CELF2: variants seen among roughly 807,000 people sequenced by gnomAD.
CELF2 encodes the protein CUG triplet repeat RNA-binding protein 2.
A neutral mutation model predicts 62.6 loss-of-function variants in CELF2; 8 were observed. The observed-to-expected ratio is 0.13, with a 90% CI of 0.07 to 0.23. The LOEUF is 0.23. Among genes scored for constraint, CELF2 ranks in the 10% least tolerant of loss-of-function variants. CELF2 has a pLI of 1.00. For missense variants in CELF2, 333 were observed against 671.0 expected (o/e 0.50, Z 5.56); for synonymous variants, 258 against 250.0 (o/e 1.03, Z -0.30).
chr10:10,716,031 A>T, the CELF2 span, among the ~76,000 whole-genome samples: 2 of 152,184 alleles, frequency 1.3e-5, no homozygotes, highest in African/African-American at 4.8e-5. Context: ...AGTTAGAAAA[A>T]TTCTATTTGA....
In CELF2 at chr10:11,075,741, G is replaced by T. The variant is rs2071675105; in HGVS notation, c.74+57578G>T. Among the ~76,000 whole-genome samples the T allele has an allele frequency of 6.6e-6, 1 of 152,066 alleles. No homozygotes were observed. Among genetic ancestry groups the T allele is most frequent in the Non-Finnish European group, 1.5e-5 (1 of 68,036 alleles). On this transcript the variant is annotated intron_variant, in intron 1 of 12. Coordinates refer to ENST00000633077, the MANE Select transcript of CELF2 (RefSeq NM_001326342.2). This position sits in a 1 kb window ranked among gnomAD's most constrained non-coding sequence, Gnocchi z 5.4. ...GGTGAGCAGCCATCAGCGTTCTTAG[G>T]AAGGAGGAGTGATTCCTGAAGGATC...
intron 2 of CELF2, among the ~76,000 whole-genome samples, chr10:10,945,101 A>G (rs1289952950): frequency 6.6e-6 from 1 of 152,150 alleles, no homozygotes; most frequent in Non-Finnish European, 1.5e-5. Context: ...ATTCAGAGTA[A>G]TGTGTGGGAC....
At chr10:10,781,382 G>A in the CELF2 span, among the ~76,000 whole-genome samples, 3 of 152,196 alleles carry the variant, frequency 2.0e-5, no homozygotes, top group Non-Finnish European at 2.9e-5. Context: ...CAGAAGACTG[G>A]TTAATTTATA....
the CELF2 span, among the ~76,000 whole-genome samples, chr10:10,694,495 T>C: frequency 7.9e-5 from 12 of 152,326 alleles, no homozygotes; most frequent in East Asian, 2.3e-3. Flanking sequence ...TCTGTTGATT[T>C]GGGGTGGAGA....
chr10:11,161,128 G>A (rs990255556), intron 1 of CELF2, among the ~76,000 whole-genome samples: 2 of 152,212 alleles, frequency 1.3e-5, no homozygotes, highest in African/African-American at 4.8e-5. Context: ...AGGGAAGTAG[G>A]TCAGTGCCTG....
rs1056116718 is a variant in CELF2 at position 11,169,554 on chromosome 10, G to A, written c.271+3872G>A. ...ACAGTTCAGAGGAAATGGGAAATAC[G>A]TGACATGAAGTAGAGAAGGGAAGGC... On this transcript the variant is annotated intron_variant, in intron 2 of 12. Coordinates refer to ENST00000633077, the MANE Select transcript of CELF2 (RefSeq NM_001326342.2). 8.8e-5 allele frequency among the ~76,000 whole-genome samples: 6 copies of A among 67,806 alleles called. 1 individual carries two copies. The highest frequency in any genetic ancestry group is 8.7e-4 in the East Asian group (2 of 2,300). The allele number at this position is 67,806 out of a possible 152,430, so 44.5% of individuals were successfully genotyped here.
At chr10:10,900,290 C>T (rs1169286693) in intron 1 of CELF2, among the ~76,000 whole-genome samples, 1 of 152,154 alleles carries the variant, frequency 6.6e-6, no homozygotes, top group East Asian at 1.9e-4. Context: ...AACTAAAGAT[C>T]AGTATCCCTG....
chr10:10,935,417 T>A (rs1001496544), intron 2 of CELF2: 40 of 152,138 alleles, frequency 2.6e-4, no homozygotes, highest in African/African-American at 9.7e-4. Flanking sequence ...AAAATTCCTA[T>A]AAAAGAGCAG....
intron 1 of CELF2, among the ~76,000 whole-genome samples, chr10:11,033,406 C>T (rs1294299187): frequency 4.6e-5 from 7 of 152,042 alleles, no homozygotes; most frequent in African/African-American, 1.7e-4. Context: ...TACAGGCATG[C>T]GCCACCACAC....
chr10:11,055,301 C>G (rs1036760840), intron 1 of CELF2, among the ~76,000 whole-genome samples: 3 of 152,224 alleles, frequency 2.0e-5, no homozygotes, highest in African/African-American at 7.2e-5. Context: ...TACAAGTCCA[C>G]ATTGATACCC....
intron 1 of CELF2, chr10:11,092,544 CTG>C (rs2048609088): frequency 6.6e-6 from 1 of 152,184 alleles, no homozygotes; most frequent in Admixed American, 6.5e-5. Context: ...ACAGGGAGAA[CTG>C]TGTTTTTAAC....
chr10:10,523,839 A>G, the CELF2 span, among the ~76,000 whole-genome samples: 1 of 152,208 alleles, frequency 6.6e-6, no homozygotes, highest in East Asian at 1.9e-4. Flanking sequence ...AGTTACCAAC[A>G]GTGTTCATTT....
upstream of CELF2, among the ~76,000 whole-genome samples, chr10:11,001,426 T>G (rs1179601929): frequency 6.6e-6 from 1 of 152,110 alleles, no homozygotes; most frequent in Non-Finnish European, 1.5e-5. Flanking sequence ...TTTTGCAATG[T>G]AAATGCCAAA....
intron 1 of CELF2, among the ~76,000 whole-genome samples, chr10:11,038,073 A>G (rs2061252024): frequency 1.3e-5 from 2 of 152,154 alleles, no homozygotes; most frequent in African/African-American, 4.8e-5. Flanking sequence ...TAAGTTATAA[A>G]CCAATTGTTG....
At chr10:11,278,280 A>C (rs549798823) in intron 8 of CELF2, among the ~76,000 whole-genome samples, 184 of 152,364 alleles carry the variant, frequency 1.2e-3, no homozygotes, top group African/African-American at 4.2e-3. Flanking sequence ...AACCTTTATG[A>C]AATATGGAAT....
At chr10:10,562,907 C>T in the CELF2 span, among the ~76,000 whole-genome samples, 3 of 143,020 alleles carry the variant, frequency 2.1e-5, no homozygotes, top group South Asian at 6.4e-4. Flanking sequence ...AGCACTGAAA[C>T]TTCAGGAAGT....
chr10:10,491,709 G>A, the CELF2 span, among the ~76,000 whole-genome samples: 1 of 152,094 alleles, frequency 6.6e-6, no homozygotes. Flanking sequence ...TGAAATCTTT[G>A]TGCTCAGTTA....
the CELF2 span, among the ~76,000 whole-genome samples, chr10:10,666,547 C>T: frequency 6.6e-6 from 1 of 152,172 alleles, no homozygotes; most frequent in Non-Finnish European, 1.5e-5. Context: ...AAGATTCTCA[C>T]CTAAGGAGGA....
chr10:11,136,400 G>A (rs73575667), intron 1 of CELF2, among the ~76,000 whole-genome samples: 2,987 of 152,216 alleles, frequency 0.02, 108 homozygotes, highest in African/African-American at 0.069. Flanking sequence ...GTCAGGAGTC[G>A]AGACTGGCCT....
Sources: allele counts gnomAD v4.1 joint callset (sites outside exome capture counted in the v4.1 genomes callset), GRCh38; gene constraint gnomAD v4.1.1; non-coding constraint Gnocchi (gnomAD v3.1); transcripts MANE v1.5; gene names NCBI Gene and HGNC (gene_info 2026-07-23, HGNC 2026-07-21).